The following CADM2 variants were observed in gnomAD, a reference collection of about 807,000 sequenced individuals.
The protein encoded by CADM2 is immunoglobulin superfamily member 4D.
Under a neutral mutation model 49.8 loss-of-function variants are expected in CADM2, and 12 were observed. That is an observed-to-expected ratio of 0.24 (90% CI 0.15 to 0.39). The LOEUF (loss-of-function observed/expected upper bound fraction) is 0.39. CADM2 is among the 10% of genes least tolerant of loss of function. The probability of loss-of-function intolerance (pLI) is 1.00; values close to 1 mark genes in which losing one functional copy is unlikely to be tolerated. For missense variants in CADM2, 378 were observed against 492.3 expected (o/e 0.77, Z 2.20); for synonymous variants, 214 against 175.4 (o/e 1.22, Z -1.74).
At chr3:85,748,467 G>C (rs2068709725) in intron 2 of CADM2, among the ~76,000 whole-genome samples, 1 of 152,012 alleles carries the variant, frequency 6.6e-6, no homozygotes, top group Non-Finnish European at 1.5e-5. Flanking sequence ...ATCTGTGTTT[G>C]TGCAGGAACT....
chr3:85,623,681 T>C (rs1376954591), intron 1 of CADM2, among the ~76,000 whole-genome samples: 1 of 152,188 alleles, frequency 6.6e-6, no homozygotes, highest in African/African-American at 2.4e-5. Flanking sequence ...CCTTAAACTA[T>C]AGAGAAGTTT....
At chr3:86,017,296 T>G (rs2106974389) in intron 8 of CADM2, among the ~76,000 whole-genome samples, 1 of 151,866 alleles carries the variant, frequency 6.6e-6, no homozygotes, top group African/African-American at 2.4e-5. Context: ...TATGATTTGG[T>G]CAAATAGATG....
chr3:84,982,569 T>C (rs1228499366), intron 1 of CADM2, among the ~76,000 whole-genome samples: 1 of 151,178 alleles, frequency 6.6e-6, no homozygotes, highest in Non-Finnish European at 1.5e-5. Flanking sequence ...TCTAGAGATA[T>C]GAAACCAATA....
At chr3:85,547,063 T>C (rs1482999369) in intron 1 of CADM2, among the ~76,000 whole-genome samples, 1 of 150,100 alleles carries the variant, frequency 6.7e-6, no homozygotes, top group Non-Finnish European at 1.5e-5. Flanking sequence ...ATAAACAAAA[T>C]ATATTATGTT....
chr3:85,802,228 G>A (rs377068728), intron 3 of CADM2, 32 bp downstream of exon 3: 41 of 1,565,828 alleles, frequency 2.6e-5, no homozygotes, highest in Middle Eastern at 1.7e-4. Flanking sequence ...TGTTTTAATC[G>A]TATTCTAAAA....
chr3:85,580,470 T>A (rs982509960), intron 1 of CADM2, among the ~76,000 whole-genome samples: 1 of 152,238 alleles, frequency 6.6e-6, no homozygotes, highest in Admixed American at 6.5e-5. Context: ...AGATTAGAAC[T>A]AACCCAACGG....
intron 1 of CADM2, among the ~76,000 whole-genome samples, chr3:85,665,161 C>A (rs1472983943): frequency 6.6e-6 from 1 of 151,826 alleles, no homozygotes; most frequent in Non-Finnish European, 1.5e-5. Flanking sequence ...CAATTTGAAG[C>A]CTGCTTGATT....
At chr3:85,106,999 C>T (rs764770647) in intron 1 of CADM2, among the ~76,000 whole-genome samples, 10 of 151,690 alleles carry the variant, frequency 6.6e-5, no homozygotes, top group South Asian at 2.1e-4. Context: ...GTAGGAGGGA[C>T]GAAAAGAAAA....
rs1173394451 is a variant in CADM2 at position 85,081,347 on chromosome 3, T to C, written c.61+121679T>C. Reference sequence around the variant, plus strand: ...TCAAAAACTAAAATGAGTTACCTCATGTAAAACTGCTCAGAGCGCATATGA... The same window carrying C: ...TCAAAAACTAAAATGAGTTACCTCACGTAAAACTGCTCAGAGCGCATATGA... On this transcript the variant is annotated intron_variant, in intron 1 of 9. Transcript: ENST00000383699. Among the ~76,000 whole-genome samples, 3 of 152,308 alleles carry C rather than the reference T, an allele frequency of 2.0e-5. No homozygotes were observed. In the East Asian group the frequency reaches 5.8e-4, roughly 29 times the overall value.
intron 1 of CADM2, among the ~76,000 whole-genome samples, chr3:85,639,789 T>A (rs1305416081): frequency 6.6e-6 from 1 of 152,048 alleles, no homozygotes; most frequent in Non-Finnish European, 1.5e-5. Context: ...GAGCCCTGAA[T>A]CACTGGTATG....
intron 1 of CADM2, among the ~76,000 whole-genome samples, chr3:85,414,400 G>T (rs1210910070): frequency 6.6e-6 from 1 of 152,114 alleles, no homozygotes; most frequent in Non-Finnish European, 1.5e-5. Context: ...CATGTAGTGT[G>T]TCCTTTAAAT....
intron 2 of CADM2, among the ~76,000 whole-genome samples, chr3:85,731,529 A>G (rs1405599616): frequency 6.6e-6 from 1 of 152,152 alleles, no homozygotes; most frequent in East Asian, 1.9e-4. Context: ...CACAATTTAA[A>G]TTATATCTGT....
intron 3 of CADM2, among the ~76,000 whole-genome samples, chr3:85,845,494 T>C (rs1000636354): frequency 8.5e-5 from 13 of 152,196 alleles, no homozygotes; most frequent in Non-Finnish European, 1.8e-4. Flanking sequence ...TGTAAAGTTA[T>C]GCTTTAAGAT....
At chr3:85,736,022 G>A (rs2107809517) in intron 2 of CADM2, among the ~76,000 whole-genome samples, 1 of 152,192 alleles carries the variant, frequency 6.6e-6, no homozygotes, top group East Asian at 1.9e-4. Flanking sequence ...AAATGCATGA[G>A]TATAGCTAGA....
At chr3:85,153,024 T>C (rs1365964867) in intron 1 of CADM2, among the ~76,000 whole-genome samples, 1 of 150,116 alleles carries the variant, frequency 6.7e-6, no homozygotes, top group Non-Finnish European at 1.5e-5. Flanking sequence ...AAGAAAAACA[T>C]TGTAAAGATG....
chr3:85,547,986 T>C (rs1048677866), intron 1 of CADM2, among the ~76,000 whole-genome samples: 1 of 151,972 alleles, frequency 6.6e-6, no homozygotes, highest in Non-Finnish European at 1.5e-5. Context: ...AATATGGAAG[T>C]TAACATATAA....
intron 1 of CADM2, among the ~76,000 whole-genome samples, chr3:85,320,408 C>A (rs1160731551): frequency 6.6e-6 from 1 of 152,156 alleles, no homozygotes; most frequent in African/African-American, 2.4e-5. Context: ...AACTGATTGG[C>A]ATCTCATAGA....
chr3:85,072,855 T>TA (rs1386348030), intron 1 of CADM2, among the ~76,000 whole-genome samples: 4 of 152,124 alleles, frequency 2.6e-5, no homozygotes, highest in African/African-American at 4.8e-5. Flanking sequence ...AGGTTTTTTT[T>TA]ATCCCTGTGA....
chr3:85,869,159 C>A (rs1422303649), intron 3 of CADM2, among the ~76,000 whole-genome samples: 1 of 152,060 alleles, frequency 6.6e-6, no homozygotes, highest in Non-Finnish European at 1.5e-5. Flanking sequence ...GTAATGCTAA[C>A]CTCACTAGTT....
Sources: gnomAD v4.1 joint callset for allele counts (sites outside exome capture counted in the v4.1 genomes callset) on GRCh38, gnomAD v4.1.1 for gene constraint, MANE v1.5 for transcripts, NCBI Gene and HGNC (gene_info 2026-07-23, HGNC 2026-07-21) for gene names.